DNM3: variants seen among roughly 807,000 people sequenced by gnomAD.
DNM3 encodes the protein dynamin-3.
A neutral mutation model predicts 101.6 loss-of-function variants in DNM3; 47 were observed. The ratio of observed to expected loss-of-function variants is 0.46; its 90% CI spans 0.37 to 0.59. DNM3 has a LOEUF of 0.59. Among genes scored for constraint, DNM3 ranks in the 20% least tolerant of loss-of-function variants. The probability of loss-of-function intolerance (pLI) is 0.00; values close to 1 mark genes in which losing one functional copy is unlikely to be tolerated. For synonymous variants in DNM3, 385 were observed against 387.9 expected (o/e 0.99, Z 0.09); for missense variants, 849 against 1,085.7 (o/e 0.78, Z 3.06).
At chr1:172,298,984 A>G (rs2064305333) in intron 15 of DNM3, among the ~76,000 whole-genome samples, 1 of 152,150 alleles carries the variant, frequency 6.6e-6, no homozygotes, top group African/African-American at 2.4e-5. Context: ...GGTAAATATA[A>G]TAGAAAGGGG....
At chr1:172,196,214 T>C (rs2059942791) in intron 14 of DNM3, among the ~76,000 whole-genome samples, 1 of 152,060 alleles carries the variant, frequency 6.6e-6, no homozygotes, top group Non-Finnish European at 1.5e-5. Context: ...GCTCCATCCA[T>C]GTTCCCTCAA....
chr1:172,253,482 T>G, intron 14 of DNM3, 91 bp from the exon 15 acceptor site: 1 of 891,870 alleles, frequency 1.1e-6, no homozygotes, highest in Non-Finnish European at 1.7e-6. Flanking sequence ...TTAAAGTCAA[T>G]TTTCTGTCTC....
chr1:172,205,958 G>T (rs993631625), intron 14 of DNM3, among the ~76,000 whole-genome samples: 2 of 152,074 alleles, frequency 1.3e-5, no homozygotes, highest in Admixed American at 6.6e-5. Flanking sequence ...ACCCATGCAT[G>T]AATTTGCAGT....
intron 2 of DNM3, among the ~76,000 whole-genome samples, chr1:171,924,680 G>A (rs1387165077): frequency 6.6e-6 from 1 of 152,176 alleles, no homozygotes; most frequent in Non-Finnish European, 1.5e-5. Flanking sequence ...TGTGGGGATT[G>A]TGAAGATTAT....
At chr1:172,051,313 A>C (rs2050189909) in intron 10 of DNM3, among the ~76,000 whole-genome samples, 1 of 152,126 alleles carries the variant, frequency 6.6e-6, no homozygotes. Flanking sequence ...TGTCACCACC[A>C]AGTTCCAGGT....
intron 14 of DNM3, among the ~76,000 whole-genome samples, chr1:172,243,882 T>C (rs1221467007): frequency 6.6e-6 from 1 of 152,184 alleles, no homozygotes; most frequent in African/African-American, 2.4e-5. Flanking sequence ...TTTATTATTA[T>C]ACTTTAAGTT....
At chr1:171,982,532 T>A (rs2044881011) in intron 2 of DNM3, among the ~76,000 whole-genome samples, 1 of 152,114 alleles carries the variant, frequency 6.6e-6, no homozygotes, top group African/African-American at 2.4e-5. Flanking sequence ...TCCTGCCCTA[T>A]CGGTTTTCCA....
In DNM3 at chr1:172,411,084, G is replaced by GTA. The variant is rs963853780; in HGVS notation, c.*3252_*3253dup. The GTA allele has an allele frequency of 4.9e-5, 48 of 984,058 alleles. No individual in the cohort carries two copies. The highest frequency in any genetic ancestry group is 2.5e-4 in the African/African-American group (14 of 57,136). The allele number at this position is 984,058 out of a possible 1,614,324, so 61.0% of individuals were successfully genotyped here. A position where few individuals can be genotyped will look rare whatever the true frequency, so the allele number is the denominator to read the frequency against. The stretch of plus-strand genomic sequence containing the variant: ...GAGTGTGATTGTATGTGCACTGTGT[G>GTA]TATATATATAAATATATGTATATGT... On this transcript the variant is annotated 3_prime_UTR_variant, in exon 21 of 21. Transcript: ENST00000627582.
chr1:172,171,093 A>G (rs2058941290), intron 14 of DNM3, among the ~76,000 whole-genome samples: 1 of 151,630 alleles, frequency 6.6e-6, no homozygotes, highest in Admixed American at 6.6e-5. Flanking sequence ...ATAGAGATTG[A>G]TTAGTTTTGT....
At chr1:172,353,199 A>G (rs1278187274) in intron 17 of DNM3, among the ~76,000 whole-genome samples, 1 of 152,006 alleles carries the variant, frequency 6.6e-6, no homozygotes, top group African/African-American at 2.4e-5. Context: ...TCTATACCGG[A>G]TGAACATCTT....
At chr1:171,947,888 G>A (rs147750884) in intron 2 of DNM3, among the ~76,000 whole-genome samples, 61 of 152,312 alleles carry the variant, frequency 4.0e-4, no homozygotes, top group Admixed American at 2.9e-3. Context: ...ATGAGAGGCC[G>A]TATATGTTAC....
rs750202983 is a variant in DNM3, at chr1:172,407,838, C to G, written c.2589C>G (p.Asp863Glu). Reference sequence around the variant, plus strand: ...GCCCACTAGAATCCTCCCTGTTAGACTAAACGAAGTGTCTGGCATGGCAAT... The same window carrying G: ...GCCCACTAGAATCCTCCCTGTTAGAGTAAACGAAGTGTCTGGCATGGCAAT... The part of the protein sequence containing the change: ...IIRPLESSLL[D>E] Residue 863 changes from aspartate to glutamate, a missense_variant, in exon 21 of 21, where the codon GAC becomes GAG. By Grantham distance (45) the Asp-to-Glu change is conservative. Coordinates refer to ENST00000627582, the MANE Select transcript of DNM3 (RefSeq NM_015569.5). 6.2e-7 allele frequency: 1 copy of G among 1,613,116 alleles called. No individual in the cohort carries two copies. The highest frequency in any genetic ancestry group is 1.1e-5 in the South Asian group (1 of 91,050).
downstream of DNM3, among the ~76,000 whole-genome samples, chr1:172,413,141 T>G (rs113303317): frequency 5.3e-4 from 81 of 152,324 alleles, no homozygotes; most frequent in African/African-American, 1.8e-3. Flanking sequence ...AGCAAATATT[T>G]TAGCTCCTGA....
chr1:172,227,445 C>A (rs2061175647), intron 14 of DNM3, among the ~76,000 whole-genome samples: 1 of 151,694 alleles, frequency 6.6e-6, no homozygotes, highest in African/African-American at 2.4e-5. Context: ...TAGATGTAGA[C>A]ACCCAGTAGT....
chr1:172,277,491 T>C (rs1459566544), intron 15 of DNM3, among the ~76,000 whole-genome samples: 1 of 152,036 alleles, frequency 6.6e-6, no homozygotes, highest in Middle Eastern at 3.2e-3. Flanking sequence ...GGAGTCTCTG[T>C]AGACTAGTTC....
intron 1 of DNM3, among the ~76,000 whole-genome samples, chr1:171,850,534 A>G (rs2032806862): frequency 6.6e-6 from 1 of 152,212 alleles, no homozygotes; most frequent in Non-Finnish European, 1.5e-5. Flanking sequence ...TATAGATCCT[A>G]GCATTCATGG....
At chr1:172,272,062 A>T (rs1248337997) in intron 15 of DNM3, among the ~76,000 whole-genome samples, 4 of 152,100 alleles carry the variant, frequency 2.6e-5, no homozygotes, top group Non-Finnish European at 5.9e-5. Flanking sequence ...TCTGCCAAAA[A>T]CTGAAGTTTT....
Position 172,302,227 on chromosome 1 carries a change from C to T in DNM3, c.1770-6501C>T, listed in dbSNP as rs139427836. On this transcript the variant is annotated intron_variant, in intron 15 of 20. Coordinates refer to ENST00000627582, the MANE Select transcript of DNM3 (RefSeq NM_015569.5). ...CACACCAGGAGATTATATCCCACGCCTGGCTCAGCAGGTCCCACACCCACG... is the reference window on the plus strand; with the variant it reads ...CACACCAGGAGATTATATCCCACGCTTGGCTCAGCAGGTCCCACACCCACG... 1.8e-4 allele frequency among the ~76,000 whole-genome samples: 28 copies of T among 152,344 alleles called. No individual in the cohort carries two copies. In the South Asian group the frequency reaches 5.4e-3, roughly 29 times the overall value.
At chr1:172,291,071 G>A (rs1194252557) in intron 15 of DNM3, among the ~76,000 whole-genome samples, 2 of 152,146 alleles carry the variant, frequency 1.3e-5, no homozygotes, top group Non-Finnish European at 1.5e-5. Flanking sequence ...TCACATGACC[G>A]TGAAAAGCGC....
Sources: gnomAD v4.1 joint callset for allele counts (sites outside exome capture counted in the v4.1 genomes callset) on GRCh38, gnomAD v4.1.1 for gene constraint, MANE v1.5 for transcripts, NCBI Gene and HGNC (gene_info 2026-07-23, HGNC 2026-07-21) for gene names.